The following PPP3R1 variants were observed in gnomAD, a reference collection of about 807,000 sequenced individuals.
PPP3R1 encodes calcineurin subunit B type 1.
Under a neutral mutation model 22.6 loss-of-function variants are expected in PPP3R1, and 5 were observed. That is an observed-to-expected ratio of 0.22 (90% CI 0.12 to 0.46). The LOEUF is 0.46. Ranked by LOEUF, PPP3R1 falls within the 20% of genes least tolerant of loss-of-function variation. PPP3R1 has a pLI of 0.99. For synonymous variants in PPP3R1, 56 were observed against 65.2 expected, an observed-to-expected ratio of 0.86 and a Z score of 0.68; for missense variants, 61 against 203.2, an observed-to-expected ratio of 0.30 and a Z score of 4.25.
chr2:68,242,317 C>T (rs569521272), intron 1 of PPP3R1, among the ~76,000 whole-genome samples: 3 of 151,902 alleles, frequency 2.0e-5, no homozygotes, highest in African/African-American at 7.2e-5. Flanking sequence ...ATCACAGCTA[C>T]TCGAAAGCTG....
chr2:68,232,122 T>TACACACACACAC (rs1165774321), intron 1 of PPP3R1, among the ~76,000 whole-genome samples: 603 of 48,102 alleles, frequency 0.013, 15 homozygotes, highest in African/African-American at 0.039. Context: ...TATATATATA[T>TACACACACACAC]ATACACACAC....
intron 2 of PPP3R1, among the ~76,000 whole-genome samples, chr2:68,211,998 CTCT>C (rs1158018732): frequency 2.0e-5 from 3 of 152,202 alleles, no homozygotes; most frequent in Admixed American, 6.5e-5. Flanking sequence ...TTCTTTCAAA[CTCT>C]TGTTTATACT....
intron 1 of PPP3R1, among the ~76,000 whole-genome samples, chr2:68,251,399 C>T (rs1558647559): frequency 6.6e-6 from 1 of 152,208 alleles, no homozygotes. Context: ...TTGGTAGTAA[C>T]GGAAGCATGA....
chr2:68,212,063 T>C (rs1306602142), intron 2 of PPP3R1, among the ~76,000 whole-genome samples: 2 of 152,176 alleles, frequency 1.3e-5, no homozygotes, highest in Non-Finnish European at 2.9e-5. Flanking sequence ...AAATCTATAA[T>C]AGTGAATCCT....
At chr2:68,228,684 G>T (rs1413073445) in intron 1 of PPP3R1, among the ~76,000 whole-genome samples, 1 of 151,676 alleles carries the variant, frequency 6.6e-6, no homozygotes, top group Non-Finnish European at 1.5e-5. Flanking sequence ...GCTTCAGGTA[G>T]ATTTTTCTCA....
At chr2:68,193,596 T>G (rs1162041920) in intron 2 of PPP3R1, among the ~76,000 whole-genome samples, 2 of 152,130 alleles carry the variant, frequency 1.3e-5, no homozygotes, top group African/African-American at 4.8e-5. Context: ...TATAGTTATT[T>G]TAGGTATCAA....
intron 1 of PPP3R1, among the ~76,000 whole-genome samples, chr2:68,237,924 T>C (rs1443634069): frequency 2.0e-5 from 3 of 152,220 alleles, no homozygotes; most frequent in East Asian, 1.9e-4. Flanking sequence ...AAATTTTGAG[T>C]TTCCTTTATT....
chr2:68,228,514 T>A (rs1409722127), intron 1 of PPP3R1, among the ~76,000 whole-genome samples: 1 of 152,166 alleles, frequency 6.6e-6, no homozygotes, highest in African/African-American at 2.4e-5. Context: ...ATCTGCAGGG[T>A]CTACAGTGAT....
intron 1 of PPP3R1, among the ~76,000 whole-genome samples, chr2:68,235,957 G>C (rs1670011620): frequency 6.6e-6 from 1 of 152,092 alleles, no homozygotes; most frequent in Non-Finnish European, 1.5e-5. Context: ...GAGCATCTTT[G>C]CATGCACTAC....
intron 2 of PPP3R1, among the ~76,000 whole-genome samples, chr2:68,199,244 G>A (rs913031014): frequency 6.6e-6 from 1 of 152,124 alleles, no homozygotes; most frequent in African/African-American, 2.4e-5. Flanking sequence ...TTACAGGCGT[G>A]AGCCACCGCT....
rs559906643 is a variant in PPP3R1, at chr2:68,243,945, C to G, written c.3+8180G>C. On this transcript the variant is annotated intron_variant, in intron 1 of 5. Transcript: ENST00000234310. The stretch of plus-strand genomic sequence containing the variant: ...AAAAAACCCCACACAAAAAACTCTT[C>G]GAAGAATATATAAACAAGAAACTTA... Among the ~76,000 whole-genome samples, 350 of 152,122 alleles carry G rather than the reference C, an allele frequency of 2.3e-3. 1 individual carries two copies. Among genetic ancestry groups the G allele is most frequent in the Non-Finnish European group, 3.6e-3 (243 of 67,974 alleles).
intron 1 of PPP3R1, among the ~76,000 whole-genome samples, chr2:68,221,152 T>G (rs1227225824): frequency 2.6e-5 from 4 of 151,892 alleles, no homozygotes; most frequent in Non-Finnish European, 5.9e-5. Flanking sequence ...GTCAACATGG[T>G]GAAATCTGTC....
intron 1 of PPP3R1, among the ~76,000 whole-genome samples, chr2:68,225,304 T>C (rs1014868060): frequency 1.3e-5 from 2 of 151,876 alleles, no homozygotes; most frequent in African/African-American, 2.4e-5. Context: ...TCTAAGAAGG[T>C]GAAAATGAAA....
intron 2 of PPP3R1, among the ~76,000 whole-genome samples, chr2:68,206,506 G>A (rs1285011131): frequency 1.3e-5 from 2 of 152,202 alleles, no homozygotes; most frequent in African/African-American, 2.4e-5. Flanking sequence ...AGGTAATGCA[G>A]GCAAGTTTGG....
At chr2:68,185,136 TCGAA>T (rs1178328918) in intron 5 of PPP3R1, among the ~76,000 whole-genome samples, 1 of 150,582 alleles carries the variant, frequency 6.6e-6, no homozygotes, top group African/African-American at 2.4e-5. Context: ...GGAAAATCAC[TCGAA>T]CCAGGGAGTC....
intron 1 of PPP3R1, among the ~76,000 whole-genome samples, chr2:68,244,781 C>T (rs1402042188): frequency 2.0e-5 from 3 of 152,112 alleles, no homozygotes; most frequent in Non-Finnish European, 4.4e-5. Context: ...GAAACTGACA[C>T]TCACTGCCTT....
intron 1 of PPP3R1, among the ~76,000 whole-genome samples, chr2:68,229,455 T>A (rs1383743743): frequency 6.6e-6 from 1 of 152,224 alleles, no homozygotes; most frequent in Non-Finnish European, 1.5e-5. Context: ...CTGATTTTCT[T>A]GCTTGGTTAC....
At chr2:68,242,934 T>C (rs1175782467) in intron 1 of PPP3R1, among the ~76,000 whole-genome samples, 2 of 152,168 alleles carry the variant, frequency 1.3e-5, no homozygotes, top group African/African-American at 4.8e-5. Flanking sequence ...GCATACCTAA[T>C]TCTAACATAA....
intron 3 of PPP3R1, 91 bp downstream of exon 3, chr2:68,188,423 T>G: frequency 9.3e-7 from 1 of 1,080,816 alleles, no homozygotes; most frequent in Non-Finnish European, 1.3e-6. Flanking sequence ...TCACTAGGAA[T>G]ATAAGCACTT....
Sources: gnomAD v4.1 joint callset for allele counts (sites outside exome capture counted in the v4.1 genomes callset) on GRCh38, gnomAD v4.1.1 for gene constraint, MANE v1.5 for transcripts, NCBI Gene and HGNC (gene_info 2026-07-23, HGNC 2026-07-21) for gene names.